SLC30A5: variants seen among roughly 807,000 people sequenced by gnomAD.
The protein encoded by SLC30A5 is proton-coupled zinc antiporter SLC30A5.
In SLC30A5, 33 loss-of-function variants were observed where a neutral mutation model predicts 79.6. The observed-to-expected ratio is 0.41, with a 90% confidence interval of 0.31 to 0.55. The LOEUF is 0.55. Among genes scored for constraint, SLC30A5 ranks in the 20% least tolerant of loss-of-function variants. The probability of loss-of-function intolerance (pLI) is 0.20; values close to 1 mark genes in which losing one functional copy is unlikely to be tolerated. For synonymous variants in SLC30A5, 299 were observed against 319.7 expected, an observed-to-expected ratio of 0.94 and a Z score of 0.69; for missense variants, 788 against 928.1, an observed-to-expected ratio of 0.85 and a Z score of 1.96.
chr5:69,110,769 T>G lies in SLC30A5; in HGVS notation c.447+2333T>G, dbSNP rs78140919. Reference sequence around the variant, plus strand: ...CAACAAAAATTGCCAGAAATAAGTTTTACATTCCTTTCAAAGTATAAATCA... The same window carrying G: ...CAACAAAAATTGCCAGAAATAAGTTGTACATTCCTTTCAAAGTATAAATCA... On this transcript the variant is annotated intron_variant, in intron 5 of 15. Coordinates refer to ENST00000396591, the MANE Select transcript of SLC30A5 (RefSeq NM_022902.5). 3.1e-3 allele frequency among the ~76,000 whole-genome samples: 469 copies of G among 152,270 alleles called. 9 individuals are homozygous for G. The East Asian group carries it at 0.052, about 17-fold the overall frequency.
At chr5:69,100,563 G>T (rs962661995) in intron 1 of SLC30A5, among the ~76,000 whole-genome samples, 1 of 149,408 alleles carries the variant, frequency 6.7e-6, no homozygotes, top group Non-Finnish European at 1.5e-5. Context: ...TTGACCAAAG[G>T]AGTTCGAGAC....
At chr5:69,104,372 C>G in intron 3 of SLC30A5, 1 of 824,450 alleles carries the variant, frequency 1.2e-6, no homozygotes, top group Non-Finnish European at 1.6e-6. Flanking sequence ...GAACTCCTGA[C>G]CTCAGGTGAT....
intron 1 of SLC30A5, 24 bp downstream of exon 1, chr5:69,094,362 G>T: frequency 8.0e-7 from 1 of 1,245,042 alleles, no homozygotes. Flanking sequence ...CCGGAAGGCA[G>T]CGACCGGCCG....
Position 69,108,411 on chromosome 5 carries a change from C to A in SLC30A5, c.422C>A (p.Thr141Asn), listed in dbSNP as rs1746144009. 6.2e-7 allele frequency: 1 copy of A among 1,613,454 alleles called. No homozygotes were observed. The change falls in exon 5 of 16, where the codon ACC becomes AAC. Residue 141 changes from threonine to asparagine, a missense_variant. By Grantham distance (65) the Thr-to-Asn change is moderately conservative. Transcript: ENST00000396591. ...ATTTCACTACTCAGTGTTTTGTTCA[C>A]CAGTTCTGGAGGAGGACCAGCAAAG... is the stretch of plus-strand genomic sequence containing the variant. ...VVISLLSVLF[T>N]SSGGGPAKTR... is the part of the protein sequence containing the mutation.
At chr5:69,104,517 G>A in intron 3 of SLC30A5, 114 bp from the exon 4 acceptor site, 2 of 1,391,506 alleles carry the variant, frequency 1.4e-6, no homozygotes, top group Non-Finnish European at 1.9e-6. Flanking sequence ...AATATGTAAT[G>A]ATTTCACCTT....
chr5:69,106,570 A>G (rs533505136), intron 4 of SLC30A5, among the ~76,000 whole-genome samples: 49 of 152,276 alleles, frequency 3.2e-4, no homozygotes, highest in Admixed American at 3.2e-3. Context: ...GCACTTTGGG[A>G]AGCCGAGGTG....
chr5:69,120,017 CAAAAAAAAAAAA>C (rs35168466), intron 12 of SLC30A5, among the ~76,000 whole-genome samples: 2 of 64,218 alleles, frequency 3.1e-5, no homozygotes, highest in African/African-American at 1.4e-4. Flanking sequence ...GACTCTGCCT[CAAAAAAAAAAAA>C]AAAAAAAAGT....
Position 69,116,400 on chromosome 5 carries a change from A to G in SLC30A5, c.1079A>G (p.Asn360Ser), listed in dbSNP as rs1305385628. ...VSAIFFILSA[N>S]ILSSPSKRGQ... ...TTGTTTTTTCTCTTTGTAGCTGCCA[A>G]TATCTTATCATCTCCCTCTAAGAGA... The change falls in exon 10 of 16, where the codon AAT becomes AGT. Residue 360 changes from asparagine to serine, a missense_variant. Asn to Ser is a conservative substitution (Grantham distance 46). Coordinates refer to ENST00000396591, the MANE Select transcript of SLC30A5 (RefSeq NM_022902.5). The surrounding 1 kb of genome is among the most constrained non-coding windows in gnomAD (Gnocchi z 4.0). 3 of 1,577,104 alleles carry G rather than the reference A, an allele frequency of 1.9e-6. No individual in the cohort carries two copies. Among genetic ancestry groups the G allele is most frequent in the East Asian group, 4.5e-5 (2 of 44,530 alleles).
chr5:69,123,141 T>G, intron 13 of SLC30A5, 58 bp from the exon 14 acceptor site: 1 of 1,264,726 alleles, frequency 7.9e-7, no homozygotes, highest in South Asian at 1.4e-5. Context: ...TAGAATGTAT[T>G]AAAAAACTAA....
At chr5:69,109,517 A>AT (rs1329726161) in intron 5 of SLC30A5, among the ~76,000 whole-genome samples, 1 of 152,138 alleles carries the variant, frequency 6.6e-6, no homozygotes, top group Non-Finnish European at 1.5e-5. Context: ...TACAAGCAAG[A>AT]TATAGAACTG....
At chr5:69,095,157 TA>T (rs1745685380) in intron 1 of SLC30A5, among the ~76,000 whole-genome samples, 1 of 151,694 alleles carries the variant, frequency 6.6e-6, no homozygotes, top group Non-Finnish European at 1.5e-5. Flanking sequence ...ATAAATGTGA[TA>T]AATTCTTTAG....
In SLC30A5 at chr5:69,116,386, C is replaced by T. The variant is rs963692785; in HGVS notation, c.1073-8C>T. ...AAATTTAAACAATATTGTTTTTTCT[C>T]TTTGTAGCTGCCAATATCTTATCAT... On this transcript the variant is annotated splice_region_variant and splice_polypyrimidine_tract_variant and intron_variant, in intron 9 of 15. Transcript: ENST00000396591. The surrounding 1 kb of genome is among the most constrained non-coding windows in gnomAD (Gnocchi z 4.0). The T allele has an allele frequency of 5.8e-6, 9 of 1,562,314 alleles. No homozygotes were observed. Among genetic ancestry groups the T allele is most frequent in the Admixed American group, 2.1e-5 (1 of 47,372 alleles).
chr5:69,108,555 C>G, intron 5 of SLC30A5, 119 bp downstream of exon 5: 1 of 803,804 alleles, frequency 1.2e-6, no homozygotes, highest in Non-Finnish European at 2.1e-6. Context: ...AGCGCGATGG[C>G]TCACGCCTGT....
intron 1 of SLC30A5, among the ~76,000 whole-genome samples, chr5:69,096,316 CTT>C (rs1253919867): frequency 6.6e-6 from 1 of 152,122 alleles, no homozygotes; most frequent in East Asian, 1.9e-4. Flanking sequence ...ACTCTTGTAA[CTT>C]TTACGTAAAC....
chr5:69,126,429 C>A (rs954385880), intron 14 of SLC30A5, among the ~76,000 whole-genome samples: 3 of 152,104 alleles, frequency 2.0e-5, no homozygotes, highest in Non-Finnish European at 2.9e-5. Context: ...CGTGAGCCAC[C>A]GCGCCTGGCC....
chr5:69,121,667 A>G, intron 12 of SLC30A5, 27 bp from the exon 13 acceptor site: 35 of 1,504,848 alleles, frequency 2.3e-5, no homozygotes, highest in Non-Finnish European at 3.1e-5. Context: ...TTACTAATTT[A>G]AAGGTTTTTT....
chr5:69,108,417 C>T lies in SLC30A5; in HGVS notation c.428C>T (p.Ser143Phe). ...ISLLSVLFTS[S>F]GGGPAKTRGA... is the part of the protein sequence containing the mutation. ...CTACTCAGTGTTTTGTTCACCAGTTCTGGAGGAGGACCAGCAAAGGTAGAA... is the reference window on the plus strand; with the variant it reads ...CTACTCAGTGTTTTGTTCACCAGTTTTGGAGGAGGACCAGCAAAGGTAGAA... The change falls in exon 5 of 16, where the codon TCT (serine) becomes TTT (phenylalanine). Residue 143 changes from serine (S) to phenylalanine (F), a missense_variant. This residue lies in a region of SLC30A5 where 626 missense variants were observed against 755.5 expected (regional missense o/e 0.83). Coordinates refer to ENST00000396591, the MANE Select transcript of SLC30A5 (RefSeq NM_022902.5). The T allele has an allele frequency of 6.2e-7, 1 of 1,613,092 alleles. No individual in the cohort carries two copies. The highest frequency in any genetic ancestry group is 8.5e-7 in the Non-Finnish European group (1 of 1,179,178).
At chr5:69,118,102 A>C (rs1012680432) in intron 11 of SLC30A5, among the ~76,000 whole-genome samples, 1 of 148,638 alleles carries the variant, frequency 6.7e-6, no homozygotes, top group African/African-American at 2.5e-5. Context: ...GTGTGAACCC[A>C]GGAGGCGGAG....
chr5:69,102,873 A>G (rs1745971553), intron 2 of SLC30A5, 189 bp from the exon 3 acceptor site: 1 of 350,258 alleles, frequency 2.9e-6, no homozygotes, highest in East Asian at 5.5e-5. Context: ...AAAAAAAAAA[A>G]AAAAGTTATC....
Sources: gnomAD v4.1 joint callset for allele counts (sites outside exome capture counted in the v4.1 genomes callset) on GRCh38, gnomAD v4.1.1 for gene constraint, gnomAD v4.1.1 regional missense constraint, Gnocchi (gnomAD v3.1) non-coding constraint, MANE v1.5 for transcripts, NCBI Gene and HGNC (gene_info 2026-07-23, HGNC 2026-07-21) for gene names.